The following POU2F2 variants were observed in gnomAD, a reference collection of about 807,000 sequenced individuals.
POU2F2 encodes POU domain, class 2, transcription factor 2.
In POU2F2, 14 loss-of-function variants were observed where a neutral mutation model predicts 63.5. The observed-to-expected ratio is 0.22, with a 90% CI of 0.15 to 0.34. The LOEUF is 0.34. POU2F2 is among the 10% of genes least tolerant of loss of function. POU2F2 has a pLI of 1.00. For missense variants in POU2F2, 607 were observed against 815.2 expected (o/e 0.74, Z 3.11); for synonymous variants, 306 against 348.6 (o/e 0.88, Z 1.36).
At chr19:42,184,952 C>A (rs1326609696) in intron 1 of POU2F2, among the ~76,000 whole-genome samples, 1 of 152,112 alleles carries the variant, frequency 6.6e-6, no homozygotes, top group African/African-American at 2.4e-5. Flanking sequence ...CTAATCATGT[C>A]ATCTTCTCTA....
upstream of POU2F2, among the ~76,000 whole-genome samples, chr19:42,179,075 G>T (rs1270740616): frequency 6.6e-6 from 1 of 152,098 alleles, no homozygotes; most frequent in Non-Finnish European, 1.5e-5. Context: ...AATAGAGAAT[G>T]AGGTCTGGTA....
At chr19:42,109,514 A>G (rs2030724061) in intron 5 of POU2F2, among the ~76,000 whole-genome samples, 1 of 152,218 alleles carries the variant, frequency 6.6e-6, no homozygotes, top group African/African-American at 2.4e-5. Flanking sequence ...TGGATGGGGA[A>G]AGGGAAGGCG....
In POU2F2 at chr19:42,153,694, G is replaced by A. The variant is rs909286585; in HGVS notation, c.-9+6638C>T. Among the ~76,000 whole-genome samples the A allele has an allele frequency of 5.3e-5, 8 of 152,066 alleles. No individual in the cohort carries two copies. Among genetic ancestry groups the A allele is most frequent in the South Asian group, 2.1e-4 (1 of 4,826 alleles). On this transcript the variant is annotated intron_variant, in intron 2 of 6. Transcript: ENST00000524801. This position sits in a 1 kb window ranked among gnomAD's most constrained non-coding sequence, Gnocchi z 5.6. ...GTGATGCTGTGTGTCCCTGTGTGCC[G>A]ATGGTCGAGTGTGTTTCCACAAGTG...
intron 5 of POU2F2, among the ~76,000 whole-genome samples, chr19:42,103,627 CTT>C (rs1001669920): frequency 8.0e-5 from 8 of 100,564 alleles, no homozygotes; most frequent in East Asian, 6.0e-4. Context: ...GGGCTCGTTT[CTT>C]TTTTTTTTTT....
At chr19:42,137,148 C>CT (rs1307931842), upstream of POU2F2, 8 of 152,126 alleles carry the variant, frequency 5.3e-5, no homozygotes, top group Non-Finnish European at 1.2e-4. Flanking sequence ...ACCCATAGAG[C>CT]TTATAGTCTT....
chr19:42,120,923 A>G (rs1324804932), intron 4 of POU2F2, among the ~76,000 whole-genome samples: 1 of 152,250 alleles, frequency 6.6e-6, no homozygotes, highest in Admixed American at 6.5e-5. Flanking sequence ...ACAGAAGCAC[A>G]TGAATCACTT....
At chr19:42,091,655 A>T (rs1055310215) in intron 14 of POU2F2, 64 bp from the exon 15 acceptor site, 9 of 1,547,644 alleles carry the variant, frequency 5.8e-6, no homozygotes, top group Non-Finnish European at 7.0e-6. Context: ...TTTGCCTTCC[A>T]GCATCCTGCC....
At chr19:42,113,185 T>C (rs1004372943) in intron 5 of POU2F2, among the ~76,000 whole-genome samples, 5 of 152,232 alleles carry the variant, frequency 3.3e-5, no homozygotes, top group African/African-American at 9.6e-5. Context: ...TAGGAAATTT[T>C]CCCCCCTACT....
In POU2F2 at chr19:42,122,498, C is replaced by A; in HGVS notation, c.94+13G>T. The stretch of plus-strand genomic sequence containing the variant: ...CACGGTGACCCCTGCCCCCCTGCTC[C>A]CTGCCCACCCACCTGTGTGCTCTGA... On this transcript the variant is annotated intron_variant, in intron 2 of 14. Coordinates refer to ENST00000692977, the MANE Select transcript of POU2F2 (RefSeq NM_001394376.1). The A allele has an allele frequency of 6.2e-7, 1 of 1,611,376 alleles. No homozygotes were observed. Among genetic ancestry groups the A allele is most frequent in the Non-Finnish European group, 8.5e-7 (1 of 1,178,320 alleles).
intron 2 of POU2F2, among the ~76,000 whole-genome samples, chr19:42,144,674 C>T (rs1260634949): frequency 5.3e-5 from 8 of 152,262 alleles, no homozygotes; most frequent in African/African-American, 1.9e-4. Context: ...TCTGTGCAGG[C>T]ATATGTTATG....
intron 2 of POU2F2, among the ~76,000 whole-genome samples, chr19:42,145,193 C>G (rs1435441289): frequency 6.6e-6 from 1 of 152,204 alleles, no homozygotes; most frequent in Non-Finnish European, 1.5e-5. Context: ...GTTAACGTGG[C>G]ATTTTATTGT....
intron 7 of POU2F2, among the ~76,000 whole-genome samples, chr19:42,097,015 AAAG>A (rs1289869377): frequency 1.2e-4 from 19 of 152,078 alleles, no homozygotes; most frequent in Non-Finnish European, 1.0e-4. Context: ...GAAAAAAAAA[AAAG>A]GACTGGGAGG....
At chr19:42,138,507 A>T (rs917803060) in intron 2 of POU2F2, among the ~76,000 whole-genome samples, 4 of 151,926 alleles carry the variant, frequency 2.6e-5, no homozygotes, top group Admixed American at 2.0e-4. Flanking sequence ...TTGAGGTTGG[A>T]TTTGAAGTTG....
At chr19:42,132,294 G>T in intron 1 of POU2F2, 90 bp downstream of exon 1, 1 of 1,434,246 alleles carries the variant, frequency 7.0e-7, no homozygotes, top group Non-Finnish European at 9.6e-7. Flanking sequence ...AATGGAGACA[G>T]CTGAGGAGGA....
At chr19:42,116,514 C>G (rs1037882923) in intron 5 of POU2F2, among the ~76,000 whole-genome samples, 3 of 152,132 alleles carry the variant, frequency 2.0e-5, no homozygotes, top group African/African-American at 7.2e-5. Context: ...ATATTCCTCC[C>G]TGTGAGCCTC....
upstream of POU2F2, among the ~76,000 whole-genome samples, chr19:42,134,121 T>C (rs144236063): frequency 1.6e-3 from 245 of 151,494 alleles, 3 homozygotes; most frequent in African/African-American, 5.6e-3. Flanking sequence ...CAGTGGACAC[T>C]GGAGCCTTGT....
intron 5 of POU2F2, among the ~76,000 whole-genome samples, chr19:42,109,123 G>A (rs956385358): frequency 2.0e-5 from 3 of 152,224 alleles, no homozygotes. Context: ...CCAGGGCTCA[G>A]TTCCACCTGG....
Position 42,096,276 on chromosome 19 carries a change from G to A in POU2F2, c.568-33C>T. ...GGTGGGCAGGTGGGTGGGATGCAGG[G>A]CGGAGGACCAGGATGGGGCTCAGCG... On this transcript the variant is annotated intron_variant, in intron 7 of 14. Transcript: ENST00000692977. This position sits in a 1 kb window ranked among gnomAD's most constrained non-coding sequence, Gnocchi z 4.1. The A allele has an allele frequency of 1.3e-6, 2 of 1,515,794 alleles. No individual in the cohort carries two copies. Among genetic ancestry groups the A allele is most frequent in the East Asian group, 4.8e-5 (2 of 41,942 alleles). 93.9% of individuals were successfully genotyped at this position (1,515,794 alleles called of 1,614,324 possible).
chr19:42,177,727 G>A (rs2146811299), upstream of POU2F2, among the ~76,000 whole-genome samples: 1 of 151,804 alleles, frequency 6.6e-6, no homozygotes, highest in East Asian at 1.9e-4. Context: ...TAAGGGCGAG[G>A]GGCAGGGAGC....
Sources: gnomAD v4.1 joint callset for allele counts (sites outside exome capture counted in the v4.1 genomes callset) on GRCh38, gnomAD v4.1.1 for gene constraint, Gnocchi (gnomAD v3.1) non-coding constraint, MANE v1.5 for transcripts, NCBI Gene and HGNC (gene_info 2026-07-23, HGNC 2026-07-21) for gene names.